Variants in VPS13B observed in about 807,000 individuals in gnomAD.
VPS13B encodes the protein intermembrane lipid transfer protein VPS13B.
Under a neutral mutation model 426.4 loss-of-function variants are expected in VPS13B, and 285 were observed. That is an observed-to-expected ratio of 0.67 (90% CI 0.61 to 0.74). The LOEUF (loss-of-function observed/expected upper bound fraction) is 0.74, where lower values mean the gene tolerates loss of function less well. Among genes scored for constraint, VPS13B ranks in the 30% least tolerant of loss-of-function variants. The pLI is 0.00. For synonymous variants in VPS13B, 1,676 were observed against 1,676.4 expected, an observed-to-expected ratio of 1.00 and a Z score of 0.01; for missense variants, 4,537 against 4,782.6, an observed-to-expected ratio of 0.95 and a Z score of 1.51.
intron 25 of VPS13B, among the ~76,000 whole-genome samples, chr8:99,493,007 T>A (rs190103604): frequency 6.6e-6 from 1 of 152,308 alleles, no homozygotes; most frequent in East Asian, 1.9e-4. Context: ...TGGAAGCGAC[T>A]TCGAAATTAT....
intron 27 of VPS13B, among the ~76,000 whole-genome samples, chr8:99,506,835 C>T (rs963093783): frequency 2.6e-5 from 4 of 152,016 alleles, no homozygotes; most frequent in Admixed American, 1.3e-4. Flanking sequence ...CCAGCCTGGG[C>T]GACAGAGCAA....
At chr8:99,527,049 T>C (rs1430193441) in intron 30 of VPS13B, among the ~76,000 whole-genome samples, 1 of 152,162 alleles carries the variant, frequency 6.6e-6, no homozygotes, top group Non-Finnish European at 1.5e-5. Flanking sequence ...AATATATTTT[T>C]AATGAATGTT....
chr8:99,682,236 G>A (rs1329683842), intron 35 of VPS13B, among the ~76,000 whole-genome samples: 5 of 152,096 alleles, frequency 3.3e-5, no homozygotes, highest in South Asian at 4.2e-4. Flanking sequence ...AGGCCAAGAC[G>A]GGTGGATTGC....
chr8:99,343,377 A>C (rs1013330795), intron 19 of VPS13B, among the ~76,000 whole-genome samples: 1 of 152,182 alleles, frequency 6.6e-6, no homozygotes, highest in Non-Finnish European at 1.5e-5. Flanking sequence ...CAGGTGAGCC[A>C]CTGCTCCCGG....
chr8:99,521,865 G>T (rs13249351), intron 30 of VPS13B, among the ~76,000 whole-genome samples: 8,984 of 152,026 alleles, frequency 0.059, 380 homozygotes, highest in Non-Finnish European at 0.093. Flanking sequence ...ATAGATCTAG[G>T]AACTTTATTT....
At chr8:99,789,217 G>A (rs1465754328) in intron 43 of VPS13B, among the ~76,000 whole-genome samples, 1 of 152,056 alleles carries the variant, frequency 6.6e-6, no homozygotes, top group Non-Finnish European at 1.5e-5. Flanking sequence ...TCATTAACTA[G>A]ACTGTAATTC....
chr8:99,360,565 C>A (rs1052960763), intron 19 of VPS13B, among the ~76,000 whole-genome samples: 19 of 152,058 alleles, frequency 1.2e-4, no homozygotes, highest in Non-Finnish European at 2.4e-4. Context: ...GCATGAGCCA[C>A]CCCACCCGGC....
intron 40 of VPS13B, among the ~76,000 whole-genome samples, chr8:99,769,200 C>T (rs1424047003): frequency 6.6e-6 from 1 of 152,122 alleles, no homozygotes. Context: ...TAATATTTCA[C>T]AATTTATCTC....
intron 3 of VPS13B, among the ~76,000 whole-genome samples, chr8:99,083,719 T>C (rs1238518169): frequency 7.7e-6 from 1 of 129,306 alleles, no homozygotes; most frequent in East Asian, 2.1e-4. Flanking sequence ...GATAATCATA[T>C]GGTTTTTGTC....
intron 58 of VPS13B, among the ~76,000 whole-genome samples, chr8:99,862,356 G>A (rs1352992024): frequency 6.6e-6 from 1 of 152,308 alleles, no homozygotes; most frequent in Admixed American, 6.5e-5. Context: ...AAACACTAGA[G>A]CAACATGCAA....
At chr8:99,735,064 C>T (rs562002463) in intron 39 of VPS13B, among the ~76,000 whole-genome samples, 5 of 152,064 alleles carry the variant, frequency 3.3e-5, no homozygotes, top group Admixed American at 1.3e-4. Flanking sequence ...GCTGATAATT[C>T]GGAGAAGAGG....
At chr8:99,463,174 G>A (rs964476798) in intron 23 of VPS13B, among the ~76,000 whole-genome samples, 10 of 152,098 alleles carry the variant, frequency 6.6e-5, no homozygotes, top group Non-Finnish European at 1.3e-4. Context: ...TTGTTGGAAG[G>A]GCAATGCTAT....
chr8:99,406,384 T>C (rs1343281355), intron 21 of VPS13B, among the ~76,000 whole-genome samples: 1 of 152,232 alleles, frequency 6.6e-6, no homozygotes, highest in Non-Finnish European at 1.5e-5. Context: ...TGTTTCTCGT[T>C]ATTTTTATTC....
chr8:99,070,205 C>T (rs1370954666), intron 3 of VPS13B, among the ~76,000 whole-genome samples: 1 of 152,234 alleles, frequency 6.6e-6, no homozygotes, highest in African/African-American at 2.4e-5. Context: ...TCAGCCAAAG[C>T]ACCTGGCCCC....
chr8:99,490,334 T>A (rs2133578497), intron 25 of VPS13B, among the ~76,000 whole-genome samples: 1 of 152,322 alleles, frequency 6.6e-6, no homozygotes, highest in East Asian at 1.9e-4. Flanking sequence ...CGCGTTGATG[T>A]TCATCAGGGA....
chr8:99,337,954 A>T (rs1050673056), intron 19 of VPS13B, among the ~76,000 whole-genome samples: 3 of 152,078 alleles, frequency 2.0e-5, no homozygotes, highest in African/African-American at 7.2e-5. Context: ...TCATGTGTTG[A>T]AAAGACTTTC....
At chr8:99,364,793 G>A (rs752602914) in intron 19 of VPS13B, among the ~76,000 whole-genome samples, 20 of 152,040 alleles carry the variant, frequency 1.3e-4, no homozygotes, top group South Asian at 2.1e-4. Context: ...TACTTGCCTC[G>A]TAGAATGAGT....
chr8:99,340,560 G>A, intron 19 of VPS13B: 1 of 461,834 alleles, frequency 2.2e-6, no homozygotes, highest in Non-Finnish European at 4.3e-6. Flanking sequence ...TCACCTGGGT[G>A]GTAATTATCA....
intron 21 of VPS13B, among the ~76,000 whole-genome samples, chr8:99,417,636 A>G (rs1309740153): frequency 1.3e-5 from 2 of 152,156 alleles, no homozygotes; most frequent in Admixed American, 6.6e-5. Context: ...GGTAATCTAT[A>G]TATAACTTGA....
Sources: gnomAD v4.1 joint callset for allele counts (sites outside exome capture counted in the v4.1 genomes callset) on GRCh38, gnomAD v4.1.1 for gene constraint, MANE v1.5 for transcripts, NCBI Gene and HGNC (gene_info 2026-07-23, HGNC 2026-07-21) for gene names.